The following MEGF11 variants were observed in gnomAD, a reference collection of about 807,000 sequenced individuals.
MEGF11 encodes the protein multiple epidermal growth factor-like domains protein 11.
Under a neutral mutation model 146.6 loss-of-function variants are expected in MEGF11, and 126 were observed. That is an observed-to-expected ratio of 0.86 (90% CI 0.74 to 1.00). The LOEUF is 1.00. Ranked by LOEUF, MEGF11 falls within the 50% of genes least tolerant of loss-of-function variation. The pLI is 0.00. For missense variants in MEGF11, 1,509 were observed against 1,521.2 expected, an observed-to-expected ratio of 0.99 and a Z score of 0.13; for synonymous variants, 532 against 583.4, an observed-to-expected ratio of 0.91 and a Z score of 1.27.
chr15:66,123,859 G>A (rs751985649), intron 3 of MEGF11, 40 bp downstream of exon 3: 18 of 1,542,636 alleles, frequency 1.2e-5, no homozygotes, highest in Non-Finnish European at 1.6e-5. Flanking sequence ...TGAGAGCCCA[G>A]TGCCTTTTCC....
intron 1 of MEGF11, among the ~76,000 whole-genome samples, chr15:66,191,498 C>A (rs2090876242): frequency 6.6e-6 from 1 of 152,024 alleles, no homozygotes. Context: ...GTCGGGGTTG[C>A]GGGGGTGTTA....
chr15:66,197,721 C>T (rs2091045487), intron 1 of MEGF11, among the ~76,000 whole-genome samples: 1 of 152,208 alleles, frequency 6.6e-6, no homozygotes, highest in African/African-American at 2.4e-5. Flanking sequence ...TGCACCTAGC[C>T]AGATGTTTTT....
At chr15:66,027,468 G>A (rs61310892) in intron 5 of MEGF11, among the ~76,000 whole-genome samples, 2,955 of 152,290 alleles carry the variant, frequency 0.019, 100 homozygotes, top group African/African-American at 0.068. Context: ...ACTGTGCACC[G>A]TAACATTTGC....
At chr15:66,138,208 G>C (rs552950314) in intron 1 of MEGF11, among the ~76,000 whole-genome samples, 2 of 152,296 alleles carry the variant, frequency 1.3e-5, no homozygotes, top group South Asian at 4.1e-4. Flanking sequence ...CCAAAGAGCA[G>C]GGGTTCACAG....
At chr15:66,043,707 C>T (rs577269265) in intron 5 of MEGF11, among the ~76,000 whole-genome samples, 1 of 152,218 alleles carries the variant, frequency 6.6e-6, no homozygotes, top group Non-Finnish European at 1.5e-5. Flanking sequence ...GGAACCTACT[C>T]ATGTCCCCAC....
At chr15:65,948,906 C>T (rs1165359170) in intron 10 of MEGF11, among the ~76,000 whole-genome samples, 1 of 152,112 alleles carries the variant, frequency 6.6e-6, no homozygotes, top group African/African-American at 2.4e-5. Context: ...TTCGCACAGG[C>T]ATGGCAGCTA....
At chr15:66,143,061 C>T (rs958674411) in intron 1 of MEGF11, among the ~76,000 whole-genome samples, 1 of 152,224 alleles carries the variant, frequency 6.6e-6, no homozygotes, top group African/African-American at 2.4e-5. Flanking sequence ...CAAGAGCAGA[C>T]ATGAGCAGGG....
intron 4 of MEGF11, among the ~76,000 whole-genome samples, chr15:66,115,662 C>G (rs1235161985): frequency 6.6e-6 from 1 of 151,022 alleles, no homozygotes; most frequent in Non-Finnish European, 1.5e-5. Flanking sequence ...AGTCTCAAGC[C>G]GCAGCACCTG....
intron 4 of MEGF11, among the ~76,000 whole-genome samples, chr15:66,116,204 C>T (rs2087721368): frequency 6.6e-6 from 1 of 152,194 alleles, no homozygotes; most frequent in South Asian, 2.1e-4. Flanking sequence ...AGCATTCTCT[C>T]CTGCCGCGCT....
Position 65,895,397 on chromosome 15 carries a change from A to T in MEGF11, c.*2537T>A, listed in dbSNP as rs966616096. 2 of 152,668 alleles carry T rather than the reference A, an allele frequency of 1.3e-5. No individual in the cohort carries two copies. The highest frequency in any genetic ancestry group is 2.9e-5 in the Non-Finnish European group (2 of 68,034). The allele number at this position is 152,668 out of a possible 1,614,324, so 9.5% of individuals were successfully genotyped here. On this transcript the variant is annotated 3_prime_UTR_variant, in exon 26 of 26. Coordinates refer to ENST00000395614, the MANE Select transcript of MEGF11 (RefSeq NM_001385028.1). Reference sequence around the variant, plus strand: ...TGATTTAAAAAAGTATTGCCGTTTCATAGTCTCATTAATACCTCTGTACAA... The same window carrying T: ...TGATTTAAAAAAGTATTGCCGTTTCTTAGTCTCATTAATACCTCTGTACAA...
At chr15:66,202,121 G>A (rs1376290638) in intron 1 of MEGF11, among the ~76,000 whole-genome samples, 2 of 148,456 alleles carry the variant, frequency 1.3e-5, no homozygotes, top group South Asian at 4.3e-4. Flanking sequence ...ACATTCACGC[G>A]TGCATGCACA....
chr15:65,901,230 C>G (rs2078487405), intron 24 of MEGF11, among the ~76,000 whole-genome samples: 1 of 152,178 alleles, frequency 6.6e-6, no homozygotes, highest in Non-Finnish European at 1.5e-5. Flanking sequence ...CTGAACTCAC[C>G]AGCCAAGGAG....
chr15:66,111,165 T>C (rs915230391), intron 4 of MEGF11, among the ~76,000 whole-genome samples: 1 of 152,204 alleles, frequency 6.6e-6, no homozygotes, highest in Non-Finnish European at 1.5e-5. Flanking sequence ...TAATGCTCAC[T>C]TCTCCAGTCT....
intron 1 of MEGF11, among the ~76,000 whole-genome samples, chr15:66,224,795 C>T (rs2091816970): frequency 6.7e-6 from 1 of 149,548 alleles, no homozygotes; most frequent in Admixed American, 6.7e-5. Context: ...AAGTGCTATC[C>T]AAGGATTAGC....
At chr15:65,956,788 G>A (rs1326785293) in intron 10 of MEGF11, among the ~76,000 whole-genome samples, 4 of 152,154 alleles carry the variant, frequency 2.6e-5, no homozygotes, top group Non-Finnish European at 5.9e-5. Context: ...ACTCTCCCTC[G>A]TAATCAGAGA....
chr15:66,039,644 C>G (rs1284447498), intron 5 of MEGF11, among the ~76,000 whole-genome samples: 1 of 152,194 alleles, frequency 6.6e-6, no homozygotes, highest in Non-Finnish European at 1.5e-5. Flanking sequence ...TCACCCCTCC[C>G]ACCCCTGCTT....
intron 5 of MEGF11, among the ~76,000 whole-genome samples, chr15:66,009,545 G>A (rs1403583163): frequency 1.3e-5 from 2 of 152,018 alleles, no homozygotes; most frequent in Non-Finnish European, 1.5e-5. Flanking sequence ...AGCAGAGGCT[G>A]GGGCCACTGA....
In MEGF11 at chr15:65,927,594, G is replaced by C. The variant is rs192143872; in HGVS notation, c.1675+831C>G. ...TGGGGTGGGTATTGTAGCAGGGGAAGTGCCTTCCCAGAGGAAGAAAGCTTT... is the reference window on the plus strand; with the variant it reads ...TGGGGTGGGTATTGTAGCAGGGGAACTGCCTTCCCAGAGGAAGAAAGCTTT... On this transcript the variant is annotated intron_variant, in intron 13 of 25. Coordinates refer to ENST00000395614, the MANE Select transcript of MEGF11 (RefSeq NM_001385028.1). Among the ~76,000 whole-genome samples the C allele has an allele frequency of 5.2e-3, 786 of 152,328 alleles. 7 individuals carry two copies. The highest frequency in any genetic ancestry group is 0.018 in the African/African-American group (753 of 41,568).
intron 5 of MEGF11, among the ~76,000 whole-genome samples, chr15:66,086,459 T>G (rs2086112808): frequency 6.6e-6 from 1 of 152,200 alleles, no homozygotes; most frequent in Non-Finnish European, 1.5e-5. Context: ...TAATGGCAGA[T>G]TTCTCAGCAG....
Sources: gnomAD v4.1 joint callset for allele counts (sites outside exome capture counted in the v4.1 genomes callset) on GRCh38, gnomAD v4.1.1 for gene constraint, MANE v1.5 for transcripts, NCBI Gene and HGNC (gene_info 2026-07-23, HGNC 2026-07-21) for gene names.